Variants in AGT observed in about 807,000 individuals in gnomAD.
The protein encoded by AGT is alpha-1 antiproteinase, antitrypsin.
In AGT, 26 loss-of-function variants were observed where a neutral mutation model predicts 28.1. The observed-to-expected ratio is 0.92, with a 90% CI of 0.68 to 1.28. The LOEUF (loss-of-function observed/expected upper bound fraction) is 1.28. Among genes scored for constraint, AGT ranks in the 50% most tolerant of loss-of-function variants. AGT has a pLI of 0.00. For synonymous variants in AGT, 259 were observed against 259.6 expected (o/e 1.00, Z 0.02); for missense variants, 596 against 592.3 (o/e 1.01, Z -0.06).
intron 1 of AGT, among the ~76,000 whole-genome samples, chr1:230,737,183 C>T (rs1217589506): frequency 6.6e-6 from 1 of 152,148 alleles, no homozygotes; most frequent in Non-Finnish European, 1.5e-5. Context: ...TCATCAAATA[C>T]CTCTCTGCCT....
intron 1 of AGT, among the ~76,000 whole-genome samples, chr1:230,739,201 T>G (rs1664200642): frequency 6.6e-6 from 1 of 150,918 alleles, no homozygotes; most frequent in South Asian, 2.1e-4. Context: ...TCTACAGGTT[T>G]TTTTTTTTTT....
intron 1 of AGT, among the ~76,000 whole-genome samples, chr1:230,725,052 T>C (rs1486010417): frequency 3.9e-5 from 6 of 152,114 alleles, no homozygotes; most frequent in African/African-American, 1.4e-4. Context: ...TGGAAAAGAA[T>C]CTATCCTGAT....
At chr1:230,734,605 T>G (rs1558295313) in intron 1 of AGT, among the ~76,000 whole-genome samples, 1 of 130,944 alleles carries the variant, frequency 7.6e-6, no homozygotes, top group Non-Finnish European at 1.6e-5. Flanking sequence ...ATATATGGTG[T>G]GTGTATGTGT....
At chr1:230,707,353 CACAGA>C (rs1663417313) in intron 2 of AGT, among the ~76,000 whole-genome samples, 1 of 152,208 alleles carries the variant, frequency 6.6e-6, no homozygotes, top group African/African-American at 2.4e-5. Context: ...ATAAGTTTGT[CACAGA>C]ACAGTCCCCT....
chr1:230,727,225 C>T (rs1267386671), intron 1 of AGT, among the ~76,000 whole-genome samples: 3 of 152,200 alleles, frequency 2.0e-5, no homozygotes, highest in Non-Finnish European at 4.4e-5. Context: ...CAACTCCCCT[C>T]AGCTTCCTGC....
chr1:230,713,861 A>T (rs1356066036), intron 1 of AGT, among the ~76,000 whole-genome samples: 1 of 152,140 alleles, frequency 6.6e-6, no homozygotes, highest in South Asian at 2.1e-4. Flanking sequence ...AAGCAGGAAG[A>T]CCTGACCATC....
At chr1:230,708,864 C>T (rs1663474308) in intron 2 of AGT, among the ~76,000 whole-genome samples, 1 of 152,258 alleles carries the variant, frequency 6.6e-6, no homozygotes, top group African/African-American at 2.4e-5. Context: ...CCCATTCCCA[C>T]ACCTACCAAG....
chr1:230,738,696 A>G lies in AGT; in HGVS notation c.-31+6819T>C, dbSNP rs113706809. Among the ~76,000 whole-genome samples the G allele has an allele frequency of 1.6e-3, 248 of 152,320 alleles. 3 individuals carry two copies. The highest frequency in any genetic ancestry group is 5.8e-3 in the African/African-American group (242 of 41,582). ...ATTTATAAGAATCAGAAAATGGTGC[A>G]TTAAAAAGAGAAAATGGAGAGTGGG... On this transcript the variant is annotated intron_variant, in intron 1 of 4. Transcript: ENST00000681269.
At chr1:230,705,081 C>CAG (rs1026134096) in intron 3 of AGT, among the ~76,000 whole-genome samples, 135 of 152,038 alleles carry the variant, frequency 8.9e-4, no homozygotes, top group African/African-American at 2.9e-3. Flanking sequence ...TGGTGGTTGC[C>CAG]GGGGCCAAGG....
At chr1:230,736,922 G>A (rs1038454927) in intron 1 of AGT, among the ~76,000 whole-genome samples, 2 of 152,120 alleles carry the variant, frequency 1.3e-5, no homozygotes, top group South Asian at 2.1e-4. Context: ...TCTGTGAATC[G>A]GAAGCTCTGT....
At chr1:230,736,989 C>T (rs188261821) in intron 1 of AGT, among the ~76,000 whole-genome samples, 60 of 152,258 alleles carry the variant, frequency 3.9e-4, no homozygotes, top group Non-Finnish European at 8.1e-4. Context: ...AAGCCAACCA[C>T]CCTGGAGCTG....
rs1329325067 is a variant in AGT, at chr1:230,706,279, C to G, written c.830-79G>C. 4 of 1,503,122 alleles carry G rather than the reference C, an allele frequency of 2.7e-6. No homozygotes were observed. In the African/African-American group the frequency reaches 5.5e-5, roughly 21 times the overall value. 93.1% of individuals were successfully genotyped at this position (1,503,122 alleles called of 1,614,324 possible). On this transcript the variant is annotated intron_variant, in intron 2 of 4. Coordinates refer to ENST00000366667, the MANE Select transcript of AGT (RefSeq NM_001384479.1). ...AATGAGGGCTGGCAGACACCAAAGG[C>G]CCAGATCCTGCCCCTCGCCCTGCCT...
intron 1 of AGT, among the ~76,000 whole-genome samples, chr1:230,742,451 G>A (rs1307758257): frequency 6.6e-6 from 1 of 152,172 alleles, no homozygotes; most frequent in Non-Finnish European, 1.5e-5. Context: ...AAGTAGCTGG[G>A]ATTACAGGTG....
At chr1:230,726,732 A>T (rs1390039108) in intron 1 of AGT, among the ~76,000 whole-genome samples, 1 of 152,208 alleles carries the variant, frequency 6.6e-6, no homozygotes, top group Non-Finnish European at 1.5e-5. Context: ...GAAGAGTCTT[A>T]ATTCAAACTG....
At chr1:230,734,528 G>A (rs1289579575) in intron 1 of AGT, among the ~76,000 whole-genome samples, 1 of 151,872 alleles carries the variant, frequency 6.6e-6, no homozygotes, top group African/African-American at 2.4e-5. Context: ...ACTTAGAAAT[G>A]GTTAAGGTTG....
intron 1 of AGT, among the ~76,000 whole-genome samples, chr1:230,727,657 C>G (rs899839692): frequency 2.0e-5 from 3 of 152,154 alleles, no homozygotes; most frequent in Non-Finnish European, 4.4e-5. Flanking sequence ...GAGTTATGTC[C>G]CCTAAAAGGC....
In AGT at chr1:230,703,308, C is replaced by A. The variant is rs780763836; in HGVS notation, c.1264G>T (p.Glu422Ter). 7 of 1,613,508 alleles carry A rather than the reference C, an allele frequency of 4.3e-6. No homozygotes were observed. The highest frequency in any genetic ancestry group is 2.2e-5 in the East Asian group (1 of 44,864). The change falls in exon 5 of 5, where the codon GAG becomes TAG. Residue 422 changes from glutamate to a stop codon, truncating the protein, a stop_gained. Transcript: ENST00000366667. LOFTEE classifies it low-confidence loss of function (END_TRUNC). ...VGEVLNSIFF[E>*]LEADEREPTE... ...GGCTCTCTCTCATCCGCTTCAAGCT[C>A]AAAAAAAATGCTGTTCAGCACCTGC... is the stretch of plus-strand genomic sequence containing the variant.
intron 1 of AGT, among the ~76,000 whole-genome samples, chr1:230,736,815 A>T (rs1472072012): frequency 2.6e-5 from 4 of 152,178 alleles, no homozygotes; most frequent in African/African-American, 9.7e-5. Context: ...AAAAGGGTAG[A>T]GGTGGTCACA....
chr1:230,725,714 A>G (rs1449792083), intron 1 of AGT, among the ~76,000 whole-genome samples: 2 of 152,210 alleles, frequency 1.3e-5, no homozygotes, highest in South Asian at 2.1e-4. Flanking sequence ...AAAACATTGC[A>G]AAGAAATTTG....
Sources: gnomAD v4.1 joint callset for allele counts (sites outside exome capture counted in the v4.1 genomes callset) on GRCh38, gnomAD v4.1.1 for gene constraint, MANE v1.5 for transcripts, NCBI Gene and HGNC (gene_info 2026-07-23, HGNC 2026-07-21) for gene names.